Variants in LAMA4 observed in about 807,000 individuals in gnomAD.
LAMA4 encodes the protein laminin subunit alpha 4.
Under a neutral mutation model 207.1 loss-of-function variants are expected in LAMA4, and 127 were observed. The ratio of observed to expected loss-of-function variants is 0.61; its 90% CI spans 0.53 to 0.71. LAMA4 has a LOEUF of 0.71. Ranked by LOEUF, LAMA4 falls within the 30% of genes least tolerant of loss-of-function variation. The pLI, the probability that LAMA4 is intolerant of heterozygous loss-of-function variation, is 0.00. For missense variants in LAMA4, 2,093 were observed against 2,246.5 expected (o/e 0.93, Z 1.38); for synonymous variants, 761 against 816.0 (o/e 0.93, Z 1.15).
intron 16 of LAMA4, among the ~76,000 whole-genome samples, chr6:112,153,681 A>G (rs1174826631): frequency 6.6e-6 from 1 of 152,122 alleles, no homozygotes; most frequent in Non-Finnish European, 1.5e-5. Context: ...AACAAAAGCA[A>G]TACATAGATA....
intron 4 of LAMA4, among the ~76,000 whole-genome samples, chr6:112,204,420 A>C (rs1027430998): frequency 6.6e-6 from 1 of 152,152 alleles, no homozygotes. Flanking sequence ...AAAGTGGAAC[A>C]GCATAATTAG....
In LAMA4 at chr6:112,118,491, CAT is replaced by C. The variant is rs1778153666; in HGVS notation, c.4822-595_4822-594del. On this transcript the variant is annotated intron_variant, in intron 34 of 38. Transcript: ENST00000230538. The surrounding 1 kb of genome is among the most constrained non-coding windows in gnomAD (Gnocchi z 4.6). ...TAAACCATCTTTTTTGCTTCATCTA[CAT>C]ATATTAATAGGTCTTAGAAATTATT... Among the ~76,000 whole-genome samples, 1 of 152,130 alleles carries C rather than the reference CAT, an allele frequency of 6.6e-6. No homozygotes were observed. Among genetic ancestry groups the C allele is most frequent in the Admixed American group, 6.5e-5 (1 of 15,274 alleles).
At chr6:112,148,061 A>G (rs1047609236) in intron 18 of LAMA4, 96 bp downstream of exon 18, 8 of 1,261,086 alleles carry the variant, frequency 6.3e-6, no homozygotes, top group Non-Finnish European at 9.2e-6. Flanking sequence ...CGAATCCAAA[A>G]CCCAAATGAA....
intron 33 of LAMA4, 106 bp from the exon 34 acceptor site, chr6:112,119,417 T>A: frequency 8.1e-7 from 1 of 1,239,070 alleles, no homozygotes; most frequent in East Asian, 2.3e-5. Flanking sequence ...CTGTGGGAAA[T>A]CTTCAGAAAG....
intron 13 of LAMA4, among the ~76,000 whole-genome samples, chr6:112,160,301 C>T (rs1274121123): frequency 6.6e-6 from 1 of 152,130 alleles, no homozygotes; most frequent in Admixed American, 6.6e-5. Context: ...AAAAATTTCT[C>T]TCCAATTTTA....
chr6:112,139,141 A>C lies in LAMA4; in HGVS notation c.3261T>G (p.Leu1087=). 1 of 1,614,168 alleles carries C rather than the reference A, an allele frequency of 6.2e-7. No individual in the cohort carries two copies. The highest frequency in any genetic ancestry group is 8.5e-7 in the Non-Finnish European group (1 of 1,179,980). The stretch of plus-strand genomic sequence containing the variant: ...TCACTCCATTGACCATCAGGAGAAT[A>C]AGGCCGTTGTCAGCTGGTGTTCGAA... ...IEVRTPADNG[L]ILLMVNGSMF... Residue 1087 remains leucine (L), a synonymous_variant, in exon 24 of 39, where the codon CTT becomes CTG. Coordinates refer to ENST00000230538, the MANE Select transcript of LAMA4 (RefSeq NM_001105206.3).
chr6:112,204,826 A>G (rs148829568), intron 4 of LAMA4, among the ~76,000 whole-genome samples: 21 of 152,314 alleles, frequency 1.4e-4, no homozygotes, highest in African/African-American at 5.0e-4. Flanking sequence ...TATTAATACT[A>G]TCATACATGA....
At chr6:112,116,771 G>A (rs1345751314) in intron 35 of LAMA4, among the ~76,000 whole-genome samples, 1 of 152,170 alleles carries the variant, frequency 6.6e-6, no homozygotes, top group South Asian at 2.1e-4. Context: ...TGCTCATGGA[G>A]TAGTATATAA....
intron 22 of LAMA4, among the ~76,000 whole-genome samples, chr6:112,140,369 T>G (rs1251405618): frequency 6.6e-6 from 1 of 152,220 alleles, no homozygotes; most frequent in African/African-American, 2.4e-5. Context: ...TCCCAGATAC[T>G]TTATTTCATA....
At chr6:112,170,587 A>G (rs782772216) in intron 12 of LAMA4, among the ~76,000 whole-genome samples, 2 of 152,230 alleles carry the variant, frequency 1.3e-5, no homozygotes, top group African/African-American at 2.4e-5. Context: ...CAATCTGACA[A>G]AACTACAGGA....
intron 29 of LAMA4, 106 bp from the exon 30 acceptor site, chr6:112,130,146 T>C (rs1778943335): frequency 1.1e-6 from 1 of 941,504 alleles, no homozygotes. Context: ...ATGGAACATG[T>C]GGTTAATGAA....
chr6:112,236,367 C>T (rs1378813656), intron 2 of LAMA4: 9 of 152,154 alleles, frequency 5.9e-5, no homozygotes, highest in African/African-American at 1.7e-4. Context: ...GAATAACCTC[C>T]GGACTGCCTG....
At chr6:112,254,397 T>A (rs1787723427) in intron 1 of LAMA4, 62 bp downstream of exon 1, 1 of 543,680 alleles carries the variant, frequency 1.8e-6, no homozygotes, top group East Asian at 3.0e-5. Flanking sequence ...CTCTCCCTCT[T>A]TCACTTTTTC....
At chr6:112,153,653 ATT>A (rs1287889060) in intron 16 of LAMA4, among the ~76,000 whole-genome samples, 1 of 151,960 alleles carries the variant, frequency 6.6e-6, no homozygotes, top group African/African-American at 2.4e-5. Flanking sequence ...AGACTGACAC[ATT>A]CTGATCTTCA....
At chr6:112,242,801 G>A (rs1786612619) in intron 2 of LAMA4, among the ~76,000 whole-genome samples, 1 of 152,150 alleles carries the variant, frequency 6.6e-6, no homozygotes, top group African/African-American at 2.4e-5. Flanking sequence ...TCTTTACATT[G>A]TTATTAAGAT....
At chr6:112,116,414 G>C (rs1479439350) in intron 35 of LAMA4, among the ~76,000 whole-genome samples, 1 of 152,206 alleles carries the variant, frequency 6.6e-6, no homozygotes, top group Non-Finnish European at 1.5e-5. Flanking sequence ...CCTGCCAGGG[G>C]AGAAGGAGGC....
At chr6:112,238,539 G>A (rs1786106714) in intron 2 of LAMA4, among the ~76,000 whole-genome samples, 1 of 151,894 alleles carries the variant, frequency 6.6e-6, no homozygotes, top group Non-Finnish European at 1.5e-5. Context: ...GTGAAACCCT[G>A]TCTCTCCTAA....
intron 3 of LAMA4, chr6:112,214,082 G>A (rs782617770): frequency 1.4e-6 from 1 of 737,408 alleles, no homozygotes; most frequent in Non-Finnish European, 2.5e-6. Context: ...TGGGATAGCG[G>A]CACCAAAGGA....
intron 2 of LAMA4, among the ~76,000 whole-genome samples, chr6:112,250,497 GACA>G (rs1787362720): frequency 6.6e-6 from 1 of 152,150 alleles, no homozygotes; most frequent in African/African-American, 2.4e-5. Context: ...CAACAATAAT[GACA>G]ACAATAGCAA....
Sources: gnomAD v4.1 joint callset for allele counts (sites outside exome capture counted in the v4.1 genomes callset) on GRCh38, gnomAD v4.1.1 for gene constraint, Gnocchi (gnomAD v3.1) non-coding constraint, MANE v1.5 for transcripts, NCBI Gene and HGNC (gene_info 2026-07-23, HGNC 2026-07-21) for gene names.